The following SBF2 variants were observed in gnomAD, a reference collection of about 807,000 sequenced individuals.
SBF2 encodes myotubularin-related protein 13.
SBF2 carries 112 observed loss-of-function variants against 225.2 expected under a neutral mutation model. That is an observed-to-expected ratio of 0.50 (90% CI 0.43 to 0.58). SBF2 has a LOEUF of 0.58. Ranked by LOEUF, SBF2 falls within the 20% of genes least tolerant of loss-of-function variation. The pLI, the probability that SBF2 is intolerant of heterozygous loss-of-function variation, is 0.00. For missense variants in SBF2, 1,996 were observed against 2,206.2 expected, an observed-to-expected ratio of 0.90 and a Z score of 1.91; for synonymous variants, 763 against 773.3, an observed-to-expected ratio of 0.99 and a Z score of 0.22.
intron 17 of SBF2, among the ~76,000 whole-genome samples, 155 bp downstream of exon 17, chr11:9,895,788 C>T (rs1219512206): frequency 2.0e-5 from 3 of 152,170 alleles, no homozygotes; most frequent in Non-Finnish European, 4.4e-5. Flanking sequence ...ATTTCCTACA[C>T]ATAGCATGCA....
At chr11:10,284,277 T>C (rs557887516) in intron 1 of SBF2, among the ~76,000 whole-genome samples, 2 of 152,340 alleles carry the variant, frequency 1.3e-5, no homozygotes, top group South Asian at 2.1e-4. Flanking sequence ...TCATTTGTGG[T>C]TGTATGTGTG....
rs111467238 is a variant in SBF2, at chr11:10,144,052, T to C, written c.141+49850A>G. Reference sequence around the variant, plus strand: ...GAGTTTTGACAAATGCATAGAGATATGTATCCCCACTGAATAATATTTCCT... The same window carrying C: ...GAGTTTTGACAAATGCATAGAGATACGTATCCCCACTGAATAATATTTCCT... On this transcript the variant is annotated intron_variant, in intron 2 of 39. Transcript: ENST00000256190. 3.7e-3 allele frequency among the ~76,000 whole-genome samples: 566 copies of C among 152,332 alleles called. 4 individuals carry two copies. Among genetic ancestry groups the C allele is most frequent in the African/African-American group, 0.013 (540 of 41,582 alleles).
Position 9,842,605 on chromosome 11 carries a change from A to C in SBF2, c.3256+20T>G. Reference sequence around the variant, plus strand: ...AAGAAATAAAGTTGAATAATGAAGGAAATTCAAGTTTTCACATACCAGATA... The same window carrying C: ...AAGAAATAAAGTTGAATAATGAAGGCAATTCAAGTTTTCACATACCAGATA... On this transcript the variant is annotated intron_variant, in intron 25 of 39. Transcript: ENST00000256190. 1.2e-6 allele frequency: 2 copies of C among 1,612,516 alleles called. No homozygotes were observed. Among genetic ancestry groups the C allele is most frequent in the South Asian group, 2.2e-5 (2 of 91,048 alleles).
intron 2 of SBF2, among the ~76,000 whole-genome samples, chr11:10,078,110 A>G (rs1462712789): frequency 6.6e-6 from 1 of 152,230 alleles, no homozygotes; most frequent in Non-Finnish European, 1.5e-5. Context: ...GCCATTTAGA[A>G]TGGCGATCAT....
chr11:9,853,823 C>T lies in SBF2; in HGVS notation c.2364-111G>A, dbSNP rs375608627. 2.6e-5 allele frequency: 26 copies of T among 993,032 alleles called. 1 individual carries two copies. Among genetic ancestry groups the T allele is most frequent in the South Asian group, 1.4e-4 (11 of 77,790 alleles). The allele number at this position is 993,032 out of a possible 1,614,324, so 61.5% of individuals were successfully genotyped here. ...AAACATGAGCAAAGTGATGTCTACT[C>T]AAGTAGAAGGCTCACTTAACTCCAT... On this transcript the variant is annotated intron_variant, in intron 19 of 39. Transcript: ENST00000256190.
chr11:9,801,267 T>G (rs1479352052), intron 32 of SBF2, among the ~76,000 whole-genome samples: 2 of 152,216 alleles, frequency 1.3e-5, no homozygotes, highest in Non-Finnish European at 2.9e-5. Context: ...CATGAAGCAT[T>G]TTAGTTTTGT....
chr11:9,979,834 G>C (rs1356516304), intron 13 of SBF2, among the ~76,000 whole-genome samples: 1 of 142,262 alleles, frequency 7.0e-6, no homozygotes, highest in African/African-American at 2.6e-5. Flanking sequence ...TTTTGAGACA[G>C]GGTCTTGCTC....
intron 2 of SBF2, among the ~76,000 whole-genome samples, chr11:10,148,481 T>G (rs1591068294): frequency 4.0e-5 from 6 of 150,778 alleles, no homozygotes; most frequent in Admixed American, 6.7e-5. Flanking sequence ...CAATCCATTA[T>G]TTAACTCACT....
chr11:10,010,705 T>G (rs2134551789), intron 6 of SBF2, among the ~76,000 whole-genome samples: 1 of 152,190 alleles, frequency 6.6e-6, no homozygotes, highest in East Asian at 1.9e-4. Context: ...TGCTTAGGAC[T>G]GTCTTGGCTA....
chr11:10,007,203 C>G (rs1012606505), intron 6 of SBF2, among the ~76,000 whole-genome samples: 2 of 152,078 alleles, frequency 1.3e-5, no homozygotes, highest in African/African-American at 2.4e-5. Flanking sequence ...ATTCCAGAAC[C>G]CTAAGGACAA....
chr11:9,801,378 G>A (rs1215300320), intron 32 of SBF2, among the ~76,000 whole-genome samples: 1 of 150,352 alleles, frequency 6.7e-6, no homozygotes, highest in Non-Finnish European at 1.5e-5. Context: ...CTTTTTTTTT[G>A]CCCATGTGCC....
At chr11:9,902,675 A>C (rs1336977153) in intron 16 of SBF2, among the ~76,000 whole-genome samples, 1 of 152,212 alleles carries the variant, frequency 6.6e-6, no homozygotes, top group Non-Finnish European at 1.5e-5. Flanking sequence ...TAAGAAGATA[A>C]CTGAGCCAAA....
chr11:9,881,250 G>A (rs10500712), intron 17 of SBF2, among the ~76,000 whole-genome samples: 14,008 of 152,218 alleles, frequency 0.092, 705 homozygotes, highest in East Asian at 0.19. Context: ...TCTTGGCACA[G>A]CAGTGATACC....
At chr11:9,994,577 C>CACAT (rs1554977647) in intron 9 of SBF2, among the ~76,000 whole-genome samples, 1 of 134,080 alleles carries the variant, frequency 7.5e-6, no homozygotes. Context: ...TATATATGTA[C>CACAT]ATATATATAT....
intron 1 of SBF2, among the ~76,000 whole-genome samples, chr11:10,259,196 T>C (rs986101201): frequency 2.0e-5 from 3 of 152,184 alleles, no homozygotes; most frequent in African/African-American, 7.2e-5. Flanking sequence ...AAGTCAGGTG[T>C]TAAGAGCACA....
At chr11:10,261,400 G>A (rs975556191) in intron 1 of SBF2, among the ~76,000 whole-genome samples, 1 of 152,008 alleles carries the variant, frequency 6.6e-6, no homozygotes, top group African/African-American at 2.4e-5. Flanking sequence ...AGCGGGTTTT[G>A]CCATGTTGCC....
chr11:10,204,397 T>C (rs1591207242), intron 1 of SBF2, among the ~76,000 whole-genome samples: 2 of 152,018 alleles, frequency 1.3e-5, no homozygotes, highest in South Asian at 4.2e-4. Flanking sequence ...ACCCAGCACT[T>C]TGGGAGGCCA....
intron 16 of SBF2, among the ~76,000 whole-genome samples, chr11:9,923,309 A>AAACAACAACAACAAC (rs112653428): frequency 4.6e-5 from 7 of 151,358 alleles, no homozygotes; most frequent in African/African-American, 1.7e-4. Context: ...CCCTAGTTAA[A>AAACAACAACAACAAC]AACAACAACA....
At chr11:9,981,839 T>A (rs1946971119) in intron 13 of SBF2, among the ~76,000 whole-genome samples, 1 of 152,228 alleles carries the variant, frequency 6.6e-6, no homozygotes, top group South Asian at 2.1e-4. Context: ...TCCAGAATAT[T>A]TTTTTGTTTA....
Sources: gnomAD v4.1 joint callset for allele counts (sites outside exome capture counted in the v4.1 genomes callset) on GRCh38, gnomAD v4.1.1 for gene constraint, MANE v1.5 for transcripts, NCBI Gene and HGNC (gene_info 2026-07-23, HGNC 2026-07-21) for gene names.